UBE2T: variants seen among roughly 807,000 people sequenced by gnomAD.
UBE2T encodes ubiquitin conjugating enzyme E2 T, also known as ubiquitin-conjugating enzyme E2 T.
UBE2T carries 15 observed loss-of-function variants against 23.3 expected under a neutral mutation model. The observed-to-expected ratio is 0.64, with a 90% CI of 0.43 to 0.99. UBE2T has a LOEUF of 0.99. Among genes scored for constraint, UBE2T ranks in the 50% least tolerant of loss-of-function variants. The pLI is 0.00. For missense variants in UBE2T, 197 were observed against 234.9 expected, an observed-to-expected ratio of 0.84 and a Z score of 1.05; for synonymous variants, 67 against 78.4, an observed-to-expected ratio of 0.85 and a Z score of 0.77.
At chr1:202,341,331 C>T (rs1436635542) in intron 1 of UBE2T, among the ~76,000 whole-genome samples, 3 of 151,928 alleles carry the variant, frequency 2.0e-5, no homozygotes, top group Admixed American at 1.3e-4. Flanking sequence ...GTAATCCCAG[C>T]ACTTTGGGAG....
At chr1:202,333,164 A>G in intron 5 of UBE2T, 71 bp from the exon 6 acceptor site, 1 of 1,603,932 alleles carries the variant, frequency 6.2e-7, no homozygotes, top group South Asian at 1.1e-5. Context: ...TGCTGCAGCT[A>G]TCCTCACACA....
Position 202,335,357 on chromosome 1 carries a change from T to C in UBE2T, c.109+289A>G. The C allele has an allele frequency of 1.8e-6, 1 of 540,572 alleles. No individual in the cohort carries two copies. The highest frequency in any genetic ancestry group is 3.3e-6 in the Non-Finnish European group (1 of 303,384). 33.5% of individuals were successfully genotyped at this position (540,572 alleles called of 1,614,324 possible). A position where few individuals can be genotyped will look rare whatever the true frequency, so the allele number is the denominator to read the frequency against. On this transcript the variant is annotated intron_variant, in intron 2 of 6. Transcript: ENST00000646651. The surrounding 1 kb of genome is among the most constrained non-coding windows in gnomAD (Gnocchi z 4.0). ...TGGACCGCAGTATTCTAATCATGTA[T>C]GTTTCCCATCTGGCCTCACAGATAT...
intron 1 of UBE2T, among the ~76,000 whole-genome samples, chr1:202,336,176 T>C (rs788787): frequency 0.47 from 70,004 of 148,598 alleles, 16,812 homozygotes; most frequent in Middle Eastern, 0.63. Flanking sequence ...CCTCCCAAAG[T>C]GCTGGGATTA....
intron 3 of UBE2T, among the ~76,000 whole-genome samples, chr1:202,334,137 T>A (rs1654830183): frequency 1.3e-5 from 2 of 152,318 alleles, no homozygotes; most frequent in South Asian, 4.1e-4. Flanking sequence ...TGTCTATGTT[T>A]CAACTGTCAG....
At position 202,331,769 on chromosome 1, in the gene UBE2T, C is replaced by T. The variant is rs951372404; in HGVS notation, c.*66G>A. ...CATCAAATATATTTAAAAAAAAATT[C>T]AAGGTAGGCAACTTAGATCACCTTG... On this transcript the variant is annotated 3_prime_UTR_variant, in exon 7 of 7. Transcript: ENST00000646651. The T allele has an allele frequency of 2.2e-5, 35 of 1,574,068 alleles. No homozygotes were observed. The South Asian group carries it at 4.1e-4, about 18-fold the overall frequency.
At position 202,339,338 on chromosome 1, in the gene UBE2T, T is replaced by TA. The variant is rs753751995; in HGVS notation, c.-65+2556dup. 3.9e-5 allele frequency among the ~76,000 whole-genome samples: 6 copies of TA among 152,134 alleles called. No homozygotes were observed. The East Asian group carries it at 9.6e-4, about 24-fold the overall frequency. On this transcript the variant is annotated intron_variant, in intron 1 of 6. Coordinates refer to ENST00000646651, the MANE Select transcript of UBE2T (RefSeq NM_014176.4). ...ATGTTTTATCTTTTTAATCTGTAGT[T>TA]ATCTATGGTTATGTTTCCATTTTCA...
Position 202,335,973 on chromosome 1 carries a change from A to T in UBE2T, c.-64-155T>A, listed in dbSNP as rs919678686. Among the ~76,000 whole-genome samples, 3 of 152,222 alleles carry T rather than the reference A, an allele frequency of 2.0e-5. No homozygotes were observed. Among genetic ancestry groups the T allele is most frequent in the African/African-American group, 7.2e-5 (3 of 41,446 alleles). On this transcript the variant is annotated intron_variant, in intron 1 of 6. Transcript: ENST00000646651. This position sits in a 1 kb window ranked among gnomAD's most constrained non-coding sequence, Gnocchi z 4.0. ...GTCACCCAGACTGGAGGGCAGTGAC[A>T]CCATCTCAGCTCACTGCAATTTCCA...
chr1:202,332,631 G>A (rs968147918), intron 6 of UBE2T, among the ~76,000 whole-genome samples: 5 of 152,166 alleles, frequency 3.3e-5, no homozygotes, highest in Non-Finnish European at 4.4e-5. Flanking sequence ...TATTTAGGCC[G>A]GGCGCGGTGG....
chr1:202,341,577 CAAAAAAAAAAAAAAAAA>C (rs57598991), intron 1 of UBE2T, among the ~76,000 whole-genome samples: 7 of 20,302 alleles, frequency 3.4e-4, no homozygotes, highest in South Asian at 3.6e-3. Context: ...GACTCCGTCT[CAAAAAAAAAAAAAAAAA>C]AAAAAAAAAA....
intron 1 of UBE2T, among the ~76,000 whole-genome samples, chr1:202,341,386 G>A (rs1217311957): frequency 4.0e-5 from 6 of 150,984 alleles, no homozygotes; most frequent in Admixed American, 2.6e-4. Flanking sequence ...AGACCATCCC[G>A]GCTAAAACGG....
chr1:202,341,797 A>G (rs1655013415), intron 1 of UBE2T, 98 bp downstream of exon 1: 1 of 152,142 alleles, frequency 6.6e-6, no homozygotes, highest in African/African-American at 2.4e-5. Context: ...GAAAACTCCC[A>G]TATTAGGCGG....
Position 202,333,564 on chromosome 1 carries a change from G to A in UBE2T, c.180-9C>T, listed in dbSNP as rs766676127. On this transcript the variant is annotated splice_polypyrimidine_tract_variant and intron_variant, in intron 3 of 6. Coordinates refer to ENST00000646651, the MANE Select transcript of UBE2T (RefSeq NM_014176.4). ...GAGGTTCAAATGGGTACCTATGAAA[G>A]AATAAGACAACAGATAATTTTCATT... 2.5e-6 allele frequency: 4 copies of A among 1,602,120 alleles called. No homozygotes were observed. Among genetic ancestry groups the A allele is most frequent in the African/African-American group, 1.3e-5 (1 of 74,642 alleles).
At chr1:202,337,374 T>C (rs1654911855) in intron 1 of UBE2T, among the ~76,000 whole-genome samples, 1 of 152,244 alleles carries the variant, frequency 6.6e-6, no homozygotes, top group Admixed American at 6.5e-5. Flanking sequence ...CATTTATACT[T>C]TGTGTATTAA....
In UBE2T at chr1:202,331,802, A is replaced by G. The variant is rs1358548876; in HGVS notation, c.*33T>C. 6.2e-7 allele frequency: 1 copy of G among 1,612,582 alleles called. No homozygotes were observed. Among genetic ancestry groups the G allele is most frequent in the South Asian group, 1.1e-5 (1 of 90,854 alleles). On this transcript the variant is annotated 3_prime_UTR_variant, in exon 7 of 7. Transcript: ENST00000646651. ...GCAACTTAGATCACCTTGGCAAAGA[A>G]CACATTAACTAAGATGAACCAGGAC...
rs1390179146 is a variant in UBE2T at position 202,333,032 on chromosome 1, T to C, written c.446A>G (p.Lys149Arg). ...TACCTTTTGTTTCTGTCTTGCATGC[T>C]TCTCTGTCCACTGTCTGGCATTCTT... ...FLKNARQWTE[K>R]HARQKQKADE... is the part of the protein sequence containing the mutation. The change falls in exon 6 of 7, where the codon AAG becomes AGG. Residue 149 changes from lysine to arginine, a missense_variant. Transcript: ENST00000646651. The C allele has an allele frequency of 2.5e-6, 4 of 1,613,310 alleles. No individual in the cohort carries two copies. The highest frequency in any genetic ancestry group is 1.7e-4 in the Middle Eastern group (1 of 6,056).
At position 202,331,770 on chromosome 1, in the gene UBE2T, A is replaced by C; in HGVS notation, c.*65T>G. On this transcript the variant is annotated 3_prime_UTR_variant, in exon 7 of 7. Transcript: ENST00000646651. ...ATCAAATATATTTAAAAAAAAATTCAAGGTAGGCAACTTAGATCACCTTGG... is the reference window on the plus strand; with the variant it reads ...ATCAAATATATTTAAAAAAAAATTCCAGGTAGGCAACTTAGATCACCTTGG... 1 of 1,578,738 alleles carries C rather than the reference A, an allele frequency of 6.3e-7. No individual in the cohort carries two copies. The highest frequency in any genetic ancestry group is 8.6e-7 in the Non-Finnish European group (1 of 1,163,490).
Position 202,331,827 on chromosome 1 carries a change from C to T in UBE2T, c.*8G>A. The T allele has an allele frequency of 6.2e-7, 1 of 1,614,032 alleles. No individual in the cohort carries two copies. The highest frequency in any genetic ancestry group is 1.7e-5 in the Admixed American group (1 of 60,020). ...ACACATTAACTAAGATGAACCAGGA[C>T]AAGTCCCCTAAACATCAGGATGAAA... On this transcript the variant is annotated 3_prime_UTR_variant, in exon 7 of 7. Transcript: ENST00000646651.
chr1:202,337,067 C>T (rs550881896), intron 1 of UBE2T, among the ~76,000 whole-genome samples: 295 of 152,230 alleles, frequency 1.9e-3, no homozygotes, highest in African/African-American at 6.8e-3. Flanking sequence ...CTCAGCCTCC[C>T]GAGCAGCTGG....
At chr1:202,336,513 A>T (rs1351138672) in intron 1 of UBE2T, among the ~76,000 whole-genome samples, 1 of 152,210 alleles carries the variant, frequency 6.6e-6, no homozygotes, top group Non-Finnish European at 1.5e-5. Context: ...AAAAAGTTCT[A>T]CAAAAAATAA....
Sources: allele counts gnomAD v4.1 joint callset (sites outside exome capture counted in the v4.1 genomes callset), GRCh38; gene constraint gnomAD v4.1.1; non-coding constraint Gnocchi (gnomAD v3.1); transcripts MANE v1.5; gene names NCBI Gene and HGNC (gene_info 2026-07-23, HGNC 2026-07-21).